Variants in CELSR2 observed in about 807,000 individuals in gnomAD.
The protein encoded by CELSR2 is cadherin EGF LAG seven-pass G-type receptor 2.
In CELSR2, 81 loss-of-function variants were observed where a neutral mutation model predicts 251.6. That is an observed-to-expected ratio of 0.32 (90% CI 0.27 to 0.39). CELSR2 has a LOEUF of 0.39. Ranked by LOEUF, CELSR2 falls within the 10% of genes least tolerant of loss-of-function variation. The pLI, the probability that CELSR2 is intolerant of heterozygous loss-of-function variation, is 1.00. For missense variants in CELSR2, 3,365 were observed against 3,947.7 expected (o/e 0.85, Z 3.96); for synonymous variants, 1,721 against 1,670.5 (o/e 1.03, Z -0.74).
In CELSR2 at chr1:109,269,209, A is replaced by C. The variant is rs1297356686; in HGVS notation, c.6731A>C (p.Glu2244Ala). The C allele has an allele frequency of 5.6e-6, 9 of 1,612,832 alleles. No homozygotes were observed. Among genetic ancestry groups the C allele is most frequent in the Non-Finnish European group, 7.6e-6 (9 of 1,179,852 alleles). The change falls in exon 20 of 34, where the codon GAG becomes GCG. Residue 2244 changes from glutamate to alanine, a missense_variant. Transcript: ENST00000271332. This position sits in a 1 kb window ranked among gnomAD's most constrained non-coding sequence, Gnocchi z 6.4. The part of the protein sequence containing the change: ...QRRHPELSQG[E>A]AVASVIIYRT... ...CGGCACCCGGAGCTGAGCCAGGGTG[A>C]GGCTGTGGCCAGCGTCATCATCTAC...
chr1:109,267,744 T>C, intron 16 of CELSR2, 102 bp downstream of exon 16: 4 of 1,553,714 alleles, frequency 2.6e-6, no homozygotes, highest in Admixed American at 1.8e-5. Context: ...AATTCCAGCC[T>C]GTGTGTTCCT....
In CELSR2 at chr1:109,269,134, C is replaced by A; in HGVS notation, c.6656C>A (p.Ala2219Glu). Reference sequence around the variant, plus strand: ...GAGACGCCCCCCGTGGTCAGGCCCGCAGGCCCCGGAGAGGCCCAGGAGCCA... The same window carrying A: ...GAGACGCCCCCCGTGGTCAGGCCCGAAGGCCCCGGAGAGGCCCAGGAGCCA... ...FRETPPVVRP[A>E]GPGEAQEPEE... is the part of the protein sequence containing the mutation. Residue 2219 changes from alanine to glutamate, a missense_variant, in exon 20 of 34, where the codon GCA (alanine) becomes GAA (glutamate). Physicochemically the swap from Ala to Glu is moderately radical, Grantham distance 107. Around this residue, in one of 5 missense-constraint regions of CELSR2, gnomAD observed 2,093 missense variants for 2,382.8 expected, o/e 0.88. Transcript: ENST00000271332. This position sits in a 1 kb window ranked among gnomAD's most constrained non-coding sequence, Gnocchi z 6.4. The A allele has an allele frequency of 6.2e-7, 1 of 1,606,644 alleles. No individual in the cohort carries two copies. Among genetic ancestry groups the A allele is most frequent in the Non-Finnish European group, 8.5e-7 (1 of 1,176,692 alleles).
chr1:109,273,083 G>C (rs1656419577), intron 31 of CELSR2, 56 bp downstream of exon 31: 1 of 1,593,706 alleles, frequency 6.3e-7, no homozygotes, highest in African/African-American at 1.3e-5. Flanking sequence ...AGTGGGCCTG[G>C]GGTTCTTGGG....
Position 109,261,251 on chromosome 1 carries a change from A to G in CELSR2, c.4168A>G (p.Thr1390Ala), listed in dbSNP as rs770598912. 9 of 1,612,756 alleles carry G rather than the reference A, an allele frequency of 5.6e-6. No homozygotes were observed. Among genetic ancestry groups the G allele is most frequent in the African/African-American group, 1.3e-5 (1 of 74,810 alleles). The change falls in exon 3 of 34, where the codon ACC (threonine) becomes GCC (alanine). Residue 1390 changes from threonine to alanine, a missense_variant. Coordinates refer to ENST00000271332, the MANE Select transcript of CELSR2 (RefSeq NM_001408.3). This position sits in a 1 kb window ranked among gnomAD's most constrained non-coding sequence, Gnocchi z 4.8. ...FRGLRQRFHF[T>A]LALSFATKER... is the part of the protein sequence containing the mutation. Reference sequence around the variant, plus strand: ...CGGCCTGCGCCAGCGTTTCCACTTCACCCTGGCCCTCTCGTGAGTGGCTGG... The same window carrying G: ...CGGCCTGCGCCAGCGTTTCCACTTCGCCCTGGCCCTCTCGTGAGTGGCTGG...
chr1:109,257,350 TAAAA>T (rs71593475), intron 1 of CELSR2, among the ~76,000 whole-genome samples: 1 of 135,824 alleles, frequency 7.4e-6, no homozygotes, highest in Admixed American at 7.4e-5. Flanking sequence ...GTCTGTCTCT[TAAAA>T]AAAAAAAAAA....
chr1:109,250,528 T>A lies in CELSR2; in HGVS notation c.449T>A (p.Leu150Gln). The change falls in exon 1 of 34, where the codon CTG becomes CAG. Residue 150 changes from leucine to glutamine, a missense_variant. Leu to Gln is a moderately radical substitution (Grantham distance 113). This residue lies in a region of CELSR2 where 704 missense variants were observed against 784.1 expected (regional missense o/e 0.90). Coordinates refer to ENST00000271332, the MANE Select transcript of CELSR2 (RefSeq NM_001408.3). This position sits in a 1 kb window ranked among gnomAD's most constrained non-coding sequence, Gnocchi z 4.4. ...APRLRCQSCK[L>Q]AQAPGLRAGE... is the part of the protein sequence containing the mutation. ...CGGCTCAGATGCCAGTCCTGCAAGC[T>A]GGCACAGGCCCCCGGGCTCAGGGCA... is the stretch of plus-strand genomic sequence containing the variant. 1 of 1,613,766 alleles carries A rather than the reference T, an allele frequency of 6.2e-7. No homozygotes were observed. Among genetic ancestry groups the A allele is most frequent in the South Asian group, 1.1e-5 (1 of 91,078 alleles).
At position 109,269,268 on chromosome 1, in the gene CELSR2, G is replaced by A; in HGVS notation, c.6790G>A (p.Asp2264Asn). ...TLAGLLPHNYDPDKRSLRVPK... is the reference protein window; with the variant it reads ...TLAGLLPHNYNPDKRSLRVPK... ...GGCCGGGCTACTGCCTCATAACTAT[G>A]ACCCTGACAAGCGCAGCTTGAGGTC... Residue 2264 changes from aspartate to asparagine, a missense_variant, in exon 20 of 34, where the codon GAC becomes AAC. By Grantham distance (23) the Asp-to-Asn change is conservative (BLOSUM62 1). Around this residue, in one of 5 missense-constraint regions of CELSR2, gnomAD observed 2,093 missense variants for 2,382.8 expected, o/e 0.88. Transcript: ENST00000271332. This position sits in a 1 kb window ranked among gnomAD's most constrained non-coding sequence, Gnocchi z 6.4. The A allele has an allele frequency of 6.2e-7, 1 of 1,613,324 alleles. No individual in the cohort carries two copies. The highest frequency in any genetic ancestry group is 8.5e-7 in the Non-Finnish European group (1 of 1,179,984).
Position 109,268,947 on chromosome 1 carries a change from G to C in CELSR2, c.6570G>C (p.Leu2190=), listed in dbSNP as rs146139471. 6 of 1,613,604 alleles carry C rather than the reference G, an allele frequency of 3.7e-6. No homozygotes were observed. The highest frequency in any genetic ancestry group is 1.3e-5 in the African/African-American group (1 of 75,032). Residue 2190 remains leucine (L), a synonymous_variant, in exon 19 of 34, where the codon CTG becomes CTC. Transcript: ENST00000271332. ...CCAAGCTGCCCCGCTACGAGGCCCT[G>C]CGTGGGGAGCAGCCCCCGGACCTTG... ...AGAKLPRYEA[L]RGEQPPDLET... is the part of the protein sequence containing the mutation.
chr1:109,274,242 C>T lies in CELSR2; in HGVS notation c.*193C>T, dbSNP rs897232505. On this transcript the variant is annotated 3_prime_UTR_variant, in exon 34 of 34. Coordinates refer to ENST00000271332, the MANE Select transcript of CELSR2 (RefSeq NM_001408.3). Reference sequence around the variant, plus strand: ...CACCTAAGGCCATCTAGTGCCAACTCCCCCCCCACCATTCCCCTCACTGCA... The same window carrying T: ...CACCTAAGGCCATCTAGTGCCAACTTCCCCCCCACCATTCCCCTCACTGCA... 3 of 1,283,146 alleles carry T rather than the reference C, an allele frequency of 2.3e-6. No individual in the cohort carries two copies. The highest frequency in any genetic ancestry group is 2.9e-5 in the Admixed American group (1 of 34,684). The allele number at this position is 1,283,146 out of a possible 1,614,324, so 79.5% of individuals were successfully genotyped here. A position where few individuals can be genotyped will look rare whatever the true frequency, so the allele number is the denominator to read the frequency against.
intron 29 of CELSR2, 30 bp downstream of exon 29, chr1:109,272,435 G>A (rs765455544): frequency 5.7e-5 from 91 of 1,591,678 alleles, no homozygotes; most frequent in Non-Finnish European, 7.5e-5. Flanking sequence ...GGGTGGAGGA[G>A]GGGAGGAGGG....
chr1:109,262,774 C>T, intron 6 of CELSR2, 32 bp from the exon 7 acceptor site: 1 of 1,603,222 alleles, frequency 6.2e-7, no homozygotes, highest in Non-Finnish European at 8.5e-7. Flanking sequence ...TCCCAGCCCT[C>T]CCTTGTGCCG....
rs140880997 is a variant in CELSR2, at chr1:109,262,857, C to T, written c.4596C>T (p.Pro1532=). Residue 1532 remains proline (P), a synonymous_variant, in exon 7 of 34, where the codon CCC becomes CCT. Coordinates refer to ENST00000271332, the MANE Select transcript of CELSR2 (RefSeq NM_001408.3). ...PLLLGGVPDL[P]ESFPVRMRQF... The stretch of plus-strand genomic sequence containing the variant: ...TACTAGGCGGGGTGCCTGACCTGCC[C>T]GAGAGCTTCCCAGTCCGAATGCGGC... 100 of 1,613,742 alleles carry T rather than the reference C, an allele frequency of 6.2e-5. No homozygotes were observed. Among genetic ancestry groups the T allele is most frequent in the African/African-American group, 2.3e-4 (17 of 75,042 alleles).
At chr1:109,263,974 C>A in intron 9 of CELSR2, 104 bp from the exon 10 acceptor site, 1 of 1,452,326 alleles carries the variant, frequency 6.9e-7, no homozygotes, top group Non-Finnish European at 9.2e-7. Context: ...ATGGCCTCAG[C>A]TGGGCAGCGG....
chr1:109,265,266 C>T lies in CELSR2; in HGVS notation c.5682C>T (p.Gly1894=). Residue 1894 remains glycine, a synonymous_variant, in exon 13 of 34, where the codon GGC becomes GGT. Transcript: ENST00000271332. The part of the protein sequence containing the change: ...CGPCNCDVSK[G]FDPDCNKTSG... ...CATGCAACTGTGATGTCAGCAAAGG[C>T]TTTGACCCAGACTGCAACAAGACAA... 6.2e-7 allele frequency: 1 copy of T among 1,612,724 alleles called. No homozygotes were observed. The highest frequency in any genetic ancestry group is 1.1e-5 in the South Asian group (1 of 90,882).
At position 109,250,475 on chromosome 1, in the gene CELSR2, C is replaced by G; in HGVS notation, c.396C>G (p.Pro132=). Residue 132 remains proline, a synonymous_variant, in exon 1 of 34, where the codon CCC becomes CCG. Transcript: ENST00000271332. This position sits in a 1 kb window ranked among gnomAD's most constrained non-coding sequence, Gnocchi z 4.4. The part of the protein sequence containing the change: ...HLSPQGKLTL[P]EEHPCLKAPR... ...CCCCACAGGGCAAGCTCACACTGCCCGAGGAGCACCCGTGCTTAAAGGCTC... is the reference window on the plus strand; with the variant it reads ...CCCCACAGGGCAAGCTCACACTGCCGGAGGAGCACCCGTGCTTAAAGGCTC... 6.2e-7 allele frequency: 1 copy of G among 1,613,688 alleles called. No homozygotes were observed. Among genetic ancestry groups the G allele is most frequent in the South Asian group, 1.1e-5 (1 of 91,082 alleles).
At chr1:109,260,569 C>T (rs1437337989) in intron 2 of CELSR2, among the ~76,000 whole-genome samples, 2 of 152,140 alleles carry the variant, frequency 1.3e-5, no homozygotes, top group East Asian at 1.9e-4. Context: ...GACAAAAGCA[C>T]CAGTGGGAAG....
intron 8 of CELSR2, 76 bp from the exon 9 acceptor site, chr1:109,263,535 G>A (rs1225876153): frequency 5.8e-6 from 9 of 1,558,836 alleles, no homozygotes; most frequent in East Asian, 2.2e-5. Context: ...CCGTGCAGCC[G>A]CCACCGCTGA....
At chr1:109,266,843 C>G (rs1185140394) in intron 15 of CELSR2, among the ~76,000 whole-genome samples, 1 of 151,530 alleles carries the variant, frequency 6.6e-6, no homozygotes, top group Non-Finnish European at 1.5e-5. Context: ...CCTCAGCCTT[C>G]CGAGTAGCTG....
At chr1:109,273,769 AT>A in intron 33 of CELSR2, 99 bp downstream of exon 33, 1 of 1,068,220 alleles carries the variant, frequency 9.4e-7, no homozygotes, top group Non-Finnish European at 1.3e-6. Flanking sequence ...TCTGGATGGC[AT>A]TTGGAGGACA....
Sources: allele counts gnomAD v4.1 joint callset (sites outside exome capture counted in the v4.1 genomes callset), GRCh38; gene constraint gnomAD v4.1.1; regional missense constraint gnomAD v4.1.1; non-coding constraint Gnocchi (gnomAD v3.1); transcripts MANE v1.5; gene names NCBI Gene and HGNC (gene_info 2026-07-23, HGNC 2026-07-21).